The following PPP2R2C variants were observed in gnomAD, a reference collection of about 807,000 sequenced individuals.
The protein encoded by PPP2R2C is protein phosphatase 2 regulatory subunit Bgamma.
In PPP2R2C, 10 loss-of-function variants were observed where a neutral mutation model predicts 45.3. The observed-to-expected ratio is 0.22, with a 90% CI of 0.14 to 0.37. The LOEUF (loss-of-function observed/expected upper bound fraction) is 0.37, where lower values mean the gene tolerates loss of function less well. PPP2R2C is among the 10% of genes least tolerant of loss of function. The probability of loss-of-function intolerance (pLI) is 1.00; values close to 1 mark genes in which losing one functional copy is unlikely to be tolerated. For synonymous variants in PPP2R2C, 257 were observed against 245.4 expected, an observed-to-expected ratio of 1.05 and a Z score of -0.44; for missense variants, 308 against 619.7, an observed-to-expected ratio of 0.50 and a Z score of 5.34.
intron 1 of PPP2R2C, among the ~76,000 whole-genome samples, chr4:6,539,793 C>T (rs959869346): frequency 2.0e-5 from 3 of 152,134 alleles, no homozygotes; most frequent in Non-Finnish European, 2.9e-5. Context: ...CACAACCTTG[C>T]GGGCGATACA....
rs1374755945 is a variant in PPP2R2C, at chr4:6,329,465, C to T, written c.961-112G>A. 12 of 853,534 alleles carry T rather than the reference C, an allele frequency of 1.4e-5. No homozygotes were observed. The highest frequency in any genetic ancestry group is 1.4e-4 in the Admixed American group (7 of 50,356). The allele number at this position is 853,534 out of a possible 1,614,324, so 52.9% of individuals were successfully genotyped here. The stretch of plus-strand genomic sequence containing the variant: ...GTCTGCATGCCCTGACATGGCCCAG[C>T]GCAGACCTGCTCATCTCAGCGAGGG... On this transcript the variant is annotated intron_variant, in intron 7 of 8. Coordinates refer to ENST00000382599, the MANE Select transcript of PPP2R2C (RefSeq NM_020416.4). This position sits in a 1 kb window ranked among gnomAD's most constrained non-coding sequence, Gnocchi z 5.8.
intron 1 of PPP2R2C, among the ~76,000 whole-genome samples, chr4:6,541,566 A>G (rs778912175): frequency 6.6e-6 from 1 of 152,034 alleles, no homozygotes; most frequent in Non-Finnish European, 1.5e-5. Context: ...TTGTTTGGTG[A>G]GACAGAGTCC....
chr4:6,381,593 A>G, intron 1 of PPP2R2C: 3 of 1,446,790 alleles, frequency 2.1e-6, no homozygotes, highest in Non-Finnish European at 1.8e-6. Flanking sequence ...GAGGTGAATT[A>G]CCCCCTCTCC....
At chr4:6,524,517 G>A (rs1365762347) in intron 2 of PPP2R2C, among the ~76,000 whole-genome samples, 1 of 152,210 alleles carries the variant, frequency 6.6e-6, no homozygotes, top group Non-Finnish European at 1.5e-5. Flanking sequence ...ATCCACGTCT[G>A]CACCGTGATC....
intron 1 of PPP2R2C, among the ~76,000 whole-genome samples, chr4:6,461,947 C>T (rs1045678305): frequency 6.6e-6 from 1 of 152,246 alleles, no homozygotes; most frequent in African/African-American, 2.4e-5. Flanking sequence ...GTGGCATGCA[C>T]CATCTCATTC....
intron 1 of PPP2R2C, chr4:6,381,934 G>C: frequency 2.6e-6 from 4 of 1,550,776 alleles, no homozygotes; most frequent in Non-Finnish European, 3.5e-6. Context: ...ACAGAGATGA[G>C]TGGCCTGCAC....
chr4:6,383,863 G>A, intron 1 of PPP2R2C: 6 of 994,890 alleles, frequency 6.0e-6, no homozygotes, highest in Non-Finnish European at 7.2e-6. Flanking sequence ...TTCCAGTCTG[G>A]GCCTTTTAGG....
intron 1 of PPP2R2C, among the ~76,000 whole-genome samples, chr4:6,392,957 T>C (rs1398900810): frequency 2.6e-5 from 4 of 152,220 alleles, no homozygotes; most frequent in Non-Finnish European, 4.4e-5. Context: ...ATCTGCCTTA[T>C]ATGGCTTCTC....
intron 1 of PPP2R2C, chr4:6,413,794 C>T: frequency 1.4e-6 from 2 of 1,412,652 alleles, no homozygotes; most frequent in Non-Finnish European, 1.9e-6. Context: ...TGGAGACTGG[C>T]CAAAGGCCAC....
chr4:6,352,687 T>C (rs1463155653), intron 5 of PPP2R2C, among the ~76,000 whole-genome samples: 2 of 152,098 alleles, frequency 1.3e-5, no homozygotes, highest in African/African-American at 4.8e-5. Flanking sequence ...GAAGGTAAAA[T>C]CGCTCTTCAA....
chr4:6,529,128 G>A (rs78165289), intron 2 of PPP2R2C, among the ~76,000 whole-genome samples: 2 of 152,264 alleles, frequency 1.3e-5, no homozygotes, highest in Admixed American at 6.5e-5. Flanking sequence ...GAAGGGGGCA[G>A]CTGGAGGACG....
chr4:6,435,045 A>C (rs1008251986), intron 1 of PPP2R2C, among the ~76,000 whole-genome samples: 13 of 152,294 alleles, frequency 8.5e-5, no homozygotes, highest in Admixed American at 2.6e-4. Flanking sequence ...CATAAATTCA[A>C]ATCTTATTTT....
At chr4:6,445,817 GTCTC>G (rs201784510) in intron 1 of PPP2R2C, among the ~76,000 whole-genome samples, 20,638 of 152,212 alleles carry the variant, frequency 0.14, 1,476 homozygotes, top group African/African-American at 0.17. Flanking sequence ...GGCTCTAAAT[GTCTC>G]ACACCAACAT....
At chr4:6,536,652 G>A (rs1213523645) in intron 1 of PPP2R2C, among the ~76,000 whole-genome samples, 1 of 152,210 alleles carries the variant, frequency 6.6e-6, no homozygotes, top group Admixed American at 6.5e-5. Flanking sequence ...GTGGAGAAGG[G>A]GGCAGCTCCA....
intron 1 of PPP2R2C, chr4:6,535,396 A>G (rs1724572323): frequency 6.8e-7 from 1 of 1,475,122 alleles, no homozygotes; most frequent in South Asian, 1.2e-5. Context: ...AGAAAAAAAA[A>G]CTAAAGTTGA....
At chr4:6,347,755 A>T in intron 6 of PPP2R2C, 91 bp downstream of exon 6, 1 of 1,438,562 alleles carries the variant, frequency 7.0e-7, no homozygotes, top group Non-Finnish European at 9.3e-7. Flanking sequence ...TCCCACACCC[A>T]CCACCCCTGC....
chr4:6,360,302 G>A (rs142040755), intron 5 of PPP2R2C, among the ~76,000 whole-genome samples: 2 of 152,366 alleles, frequency 1.3e-5, no homozygotes, highest in East Asian at 1.9e-4. Context: ...CACACCATCT[G>A]CAGCTTTCCC....
intron 2 of PPP2R2C, chr4:6,523,510 A>G (rs897804551): frequency 6.6e-6 from 1 of 152,252 alleles, no homozygotes; most frequent in Admixed American, 6.5e-5. Flanking sequence ...GGAAATCCAA[A>G]TCAAAGTCAC....
chr4:6,465,287 C>G (rs1176715625), intron 1 of PPP2R2C, among the ~76,000 whole-genome samples: 1 of 152,140 alleles, frequency 6.6e-6, no homozygotes, highest in African/African-American at 2.4e-5. Context: ...GTTGGCCTCT[C>G]CCCTGTAGAG....
Sources: allele counts gnomAD v4.1 joint callset (sites outside exome capture counted in the v4.1 genomes callset), GRCh38; gene constraint gnomAD v4.1.1; non-coding constraint Gnocchi (gnomAD v3.1); transcripts MANE v1.5; gene names NCBI Gene and HGNC (gene_info 2026-07-23, HGNC 2026-07-21).